The following MGAT4C variants were observed in gnomAD, a reference collection of about 807,000 sequenced individuals.
The protein encoded by MGAT4C is MGAT4 family member C, also known as alpha-1,3-mannosyl-glycoprotein 4-beta-N-acetylglucosaminyltransferase C.
In MGAT4C, 19 loss-of-function variants were observed where a neutral mutation model predicts 40.1. That is an observed-to-expected ratio of 0.47 (90% CI 0.33 to 0.70). MGAT4C has a LOEUF of 0.70. Among genes scored for constraint, MGAT4C ranks in the 30% least tolerant of loss-of-function variants. MGAT4C has a pLI of 0.02. For missense variants in MGAT4C, 491 were observed against 563.2 expected, an observed-to-expected ratio of 0.87 and a Z score of 1.30; for synonymous variants, 181 against 187.1, an observed-to-expected ratio of 0.97 and a Z score of 0.27.
chr12:86,834,778 C>T (rs1309975045), intron 1 of MGAT4C, among the ~76,000 whole-genome samples: 2 of 151,920 alleles, frequency 1.3e-5, no homozygotes, highest in Admixed American at 1.3e-4. Context: ...CATGTCTCCT[C>T]ATTGGTGTGT....
intron 1 of MGAT4C, among the ~76,000 whole-genome samples, chr12:86,186,097 G>C (rs137883568): frequency 1.3e-5 from 2 of 152,188 alleles, no homozygotes; most frequent in Non-Finnish European, 2.9e-5. Context: ...GGAGAGAGAA[G>C]GATACAGAAA....
chr12:86,017,301 G>T (rs1269621793), intron 2 of MGAT4C, among the ~76,000 whole-genome samples: 1 of 152,074 alleles, frequency 6.6e-6, no homozygotes, highest in Non-Finnish European at 1.5e-5. Context: ...ATTATCTACA[G>T]CATGGTACTC....
chr12:86,211,644 C>T (rs1023817125), intron 1 of MGAT4C, among the ~76,000 whole-genome samples: 2 of 151,848 alleles, frequency 1.3e-5, no homozygotes, highest in African/African-American at 2.4e-5. Flanking sequence ...ACATAGATTA[C>T]AGCTATTTCC....
chr12:86,746,494 T>A (rs1951155515), intron 1 of MGAT4C, among the ~76,000 whole-genome samples: 1 of 151,660 alleles, frequency 6.6e-6, no homozygotes, highest in South Asian at 2.1e-4. Context: ...ATACCACTTC[T>A]CTGTCATTCT....
intron 2 of MGAT4C, among the ~76,000 whole-genome samples, chr12:85,999,583 G>GTATATATA (rs67914292): frequency 3.4e-3 from 424 of 122,954 alleles, no homozygotes; most frequent in African/African-American, 0.011. Context: ...GTGTGTGTGT[G>GTATATATA]TATATATATA....
At chr12:86,580,386 A>G (rs1455173883) in intron 2 of MGAT4C, among the ~76,000 whole-genome samples, 14 of 151,496 alleles carry the variant, frequency 9.2e-5, no homozygotes. Flanking sequence ...TTAGTCTAAC[A>G]CTATATCTAT....
At chr12:86,130,379 T>A (rs117463810) in intron 1 of MGAT4C, among the ~76,000 whole-genome samples, 2,322 of 152,206 alleles carry the variant, frequency 0.015, 33 homozygotes, top group Non-Finnish European at 0.023. Flanking sequence ...TGGCTCACAA[T>A]ACAATTTTAG....
chr12:85,969,788 T>C lies in MGAT4C; in HGVS notation c.*9501A>G, dbSNP rs1883533145. 6.6e-6 allele frequency: 1 copy of C among 151,456 alleles called. No individual in the cohort carries two copies. The highest frequency in any genetic ancestry group is 1.5e-5 in the Non-Finnish European group (1 of 67,518). 9.4% of individuals were successfully genotyped at this position (151,456 alleles called of 1,614,324 possible). ...CTGAAATCCAATGCTCTCTCTTTCA[T>C]TTATTAGTTATGTGACCTTGGACAA... On this transcript the variant is annotated 3_prime_UTR_variant, in exon 5 of 5. Transcript: ENST00000611864.
intron 1 of MGAT4C, among the ~76,000 whole-genome samples, chr12:86,061,347 A>G (rs969466282): frequency 1.3e-5 from 2 of 152,194 alleles, no homozygotes; most frequent in Admixed American, 6.5e-5. Flanking sequence ...TGCTTTTCCC[A>G]TGACTTTCAC....
At chr12:86,370,544 T>C (rs759719508) in intron 3 of MGAT4C, among the ~76,000 whole-genome samples, 1 of 152,034 alleles carries the variant, frequency 6.6e-6, no homozygotes, top group African/African-American at 2.4e-5. Context: ...TGAATATCCT[T>C]TGGAAAACAG....
At chr12:86,697,486 A>G (rs1201190860) in intron 2 of MGAT4C, among the ~76,000 whole-genome samples, 1 of 152,072 alleles carries the variant, frequency 6.6e-6, no homozygotes, top group East Asian at 1.9e-4. Flanking sequence ...ACAAAAAAAA[A>G]GTCACTCCTA....
At chr12:86,000,117 C>T (rs1010408404) in intron 2 of MGAT4C, among the ~76,000 whole-genome samples, 1 of 151,776 alleles carries the variant, frequency 6.6e-6, no homozygotes, top group East Asian at 1.9e-4. Context: ...CTGTACCACA[C>T]AAATATGTAA....
chr12:86,070,111 T>C (rs1168620440), intron 1 of MGAT4C, among the ~76,000 whole-genome samples: 5 of 151,714 alleles, frequency 3.3e-5, no homozygotes, highest in Non-Finnish European at 7.4e-5. Flanking sequence ...TTTGGAAATC[T>C]GGAAATCCCT....
At chr12:86,331,456 G>A (rs935165384) in intron 4 of MGAT4C, among the ~76,000 whole-genome samples, 1 of 152,094 alleles carries the variant, frequency 6.6e-6, no homozygotes, top group African/African-American at 2.4e-5. Context: ...AGTATTCCTA[G>A]AGGAAGGTCA....
At chr12:86,307,318 TAAAC>T (rs1269289064) in intron 4 of MGAT4C, among the ~76,000 whole-genome samples, 1 of 150,754 alleles carries the variant, frequency 6.6e-6, no homozygotes, top group Non-Finnish European at 1.5e-5. Flanking sequence ...TTACATAAAA[TAAAC>T]TATTTATTTC....
At chr12:86,680,819 G>T (rs890968564) in intron 2 of MGAT4C, among the ~76,000 whole-genome samples, 1 of 151,744 alleles carries the variant, frequency 6.6e-6, no homozygotes, top group African/African-American at 2.4e-5. Context: ...ATAAATTTAG[G>T]CTTCTATATT....
At chr12:86,782,471 G>A (rs1303518199) in intron 1 of MGAT4C, among the ~76,000 whole-genome samples, 3 of 151,994 alleles carry the variant, frequency 2.0e-5, no homozygotes, top group South Asian at 2.1e-4. Context: ...GTGAGCCACC[G>A]CGCCCAGACC....
chr12:86,333,499 T>C (rs971400758), intron 4 of MGAT4C, among the ~76,000 whole-genome samples: 1 of 152,106 alleles, frequency 6.6e-6, no homozygotes, highest in African/African-American at 2.4e-5. Flanking sequence ...CAGCAGGCTA[T>C]CAAAGACAAC....
At chr12:86,224,661 T>C (rs1050065552) in intron 1 of MGAT4C, among the ~76,000 whole-genome samples, 2 of 152,278 alleles carry the variant, frequency 1.3e-5, no homozygotes, top group Admixed American at 6.5e-5. Context: ...TTGGAAAGTA[T>C]ACAAATATGT....
Sources: allele counts gnomAD v4.1 joint callset (sites outside exome capture counted in the v4.1 genomes callset), GRCh38; gene constraint gnomAD v4.1.1; transcripts MANE v1.5; gene names NCBI Gene and HGNC (gene_info 2026-07-23, HGNC 2026-07-21).